The following RRN3 variants were observed in gnomAD, a reference collection of about 807,000 sequenced individuals.
The protein encoded by RRN3 is RNA polymerase I-specific transcription initiation factor RRN3.
RRN3 carries 38 observed loss-of-function variants against 82.3 expected under a neutral mutation model. That is an observed-to-expected ratio of 0.46 (90% CI 0.36 to 0.61). RRN3 has a LOEUF of 0.61. Among genes scored for constraint, RRN3 ranks in the 20% least tolerant of loss-of-function variants. The probability of loss-of-function intolerance (pLI) is 0.00; values close to 1 mark genes in which losing one functional copy is unlikely to be tolerated. For missense variants in RRN3, 726 were observed against 793.1 expected, an observed-to-expected ratio of 0.92 and a Z score of 1.02; for synonymous variants, 284 against 284.3, an observed-to-expected ratio of 1.00 and a Z score of 0.01.
intron 14 of RRN3, among the ~76,000 whole-genome samples, chr16:15,069,308 G>A (rs2045120341): frequency 6.6e-6 from 1 of 152,168 alleles, no homozygotes; most frequent in Admixed American, 6.6e-5. Context: ...CGACGATGAA[G>A]GATGATGCAG....
chr16:15,060,121 A>C lies in RRN3; in HGVS notation c.*1623T>G. On this transcript the variant is annotated 3_prime_UTR_variant, in exon 18 of 18. Transcript: ENST00000198767. ...ATTTTCACCATGGATTTTTTTTCACAAACTCCTTTGAAATTAAACAGACTT... is the reference window on the plus strand; with the variant it reads ...ATTTTCACCATGGATTTTTTTTCACCAACTCCTTTGAAATTAAACAGACTT... 2.9e-6 allele frequency: 1 copy of C among 342,720 alleles called. No individual in the cohort carries two copies. 21.2% of individuals were successfully genotyped at this position (342,720 alleles called of 1,614,324 possible). A position where few individuals can be genotyped will look rare whatever the true frequency, so the allele number is the denominator to read the frequency against.
intron 1 of RRN3, among the ~76,000 whole-genome samples, chr16:15,093,578 G>A (rs893131582): frequency 1.1e-4 from 16 of 152,198 alleles, no homozygotes; most frequent in African/African-American, 3.4e-4. Flanking sequence ...ATCATATTAC[G>A]CTAATTGTTT....
In RRN3 at chr16:15,061,904, T is replaced by G. The variant is rs1340464797; in HGVS notation, c.1796A>C (p.Asp599Ala). Residue 599 changes from aspartate to alanine, a missense_variant and splice_region_variant, in exon 18 of 18, where the codon GAC becomes GCC. Physicochemically the swap from Asp to Ala is moderately radical, Grantham distance 126. Coordinates refer to ENST00000198767, the MANE Select transcript of RRN3 (RefSeq NM_018427.5). ...LQEFKKPMKK[D>A]IVEDEDDDFL... ...GTCATCATCTTCATCTTCCACTATG[T>G]CCTGCAGAAACATCAGAAATCATCA... is the stretch of plus-strand genomic sequence containing the variant. The G allele has an allele frequency of 6.2e-7, 1 of 1,609,068 alleles. No individual in the cohort carries two copies. The highest frequency in any genetic ancestry group is 1.7e-4 in the Middle Eastern group (1 of 6,042).
At chr16:15,062,004 G>A (rs1200255823) in intron 17 of RRN3, 99 bp from the exon 18 acceptor site, 12 of 1,193,170 alleles carry the variant, frequency 1.0e-5, no homozygotes, top group African/African-American at 1.5e-5. Flanking sequence ...TGTAAAGATG[G>A]TGAAGAAAAT....
At chr16:15,064,179 T>G (rs2044851324) in intron 16 of RRN3, among the ~76,000 whole-genome samples, 1 of 152,100 alleles carries the variant, frequency 6.6e-6, no homozygotes, top group Admixed American at 6.6e-5. Context: ...TGTTTTTTTT[T>G]TGTTTTGTTT....
chr16:15,087,270 G>A (rs971783016), intron 3 of RRN3, among the ~76,000 whole-genome samples: 6 of 152,172 alleles, frequency 3.9e-5, no homozygotes, highest in African/African-American at 1.4e-4. Context: ...CCATATGCCA[G>A]GCATGGTGCC....
chr16:15,068,385 A>C (rs1252621344), intron 14 of RRN3, 108 bp from the exon 15 acceptor site: 3 of 1,390,096 alleles, frequency 2.2e-6, no homozygotes, highest in Non-Finnish European at 2.9e-6. Context: ...ACTTTAAAAA[A>C]TTATTTGCAG....
chr16:15,067,251 C>A (rs1250045324), intron 15 of RRN3, among the ~76,000 whole-genome samples: 1 of 151,598 alleles, frequency 6.6e-6, no homozygotes, highest in East Asian at 1.9e-4. Context: ...GCCTAAATAT[C>A]CTCATTGAAT....
At chr16:15,078,231 C>G (rs1457093050) in intron 9 of RRN3, among the ~76,000 whole-genome samples, 1 of 152,202 alleles carries the variant, frequency 6.6e-6, no homozygotes, top group African/African-American at 2.4e-5. Flanking sequence ...AGCTCCAGCT[C>G]TTCTGAGACC....
In RRN3 at chr16:15,080,094, T is replaced by C. The variant is rs200026956; in HGVS notation, c.669A>G (p.Glu223=). 1.3e-5 allele frequency: 20 copies of C among 1,593,866 alleles called. No individual in the cohort carries two copies. The East Asian group carries it at 4.3e-4, about 34-fold the overall frequency. The stretch of plus-strand genomic sequence containing the variant: ...TCCTTAGTAAGTTATGAACGTAACA[T>C]TCCTAAAGGAGAAAATGTAAGATAA... ...PFVRKSERTL[E]CYVHNLLRIS... is the part of the protein sequence containing the mutation. The change falls in exon 9 of 18, where the codon GAA becomes GAG. Residue 223 remains glutamate (E), a splice_region_variant and synonymous_variant. Transcript: ENST00000198767.
chr16:15,075,201 G>A (rs183545936), intron 10 of RRN3, among the ~76,000 whole-genome samples: 49 of 149,604 alleles, frequency 3.3e-4, no homozygotes, highest in Non-Finnish European at 5.6e-4. Flanking sequence ...ACAGTGAGCC[G>A]AGTTCGTGTG....
At chr16:15,083,995 C>T (rs1171665034) in intron 7 of RRN3, among the ~76,000 whole-genome samples, 9 of 152,156 alleles carry the variant, frequency 5.9e-5, no homozygotes, top group Admixed American at 3.3e-4. Flanking sequence ...GGATTACAGG[C>T]GTGAGCCACC....
At chr16:15,071,396 T>A (rs866587650) in intron 12 of RRN3, 145 bp from the exon 13 acceptor site, 2 of 789,634 alleles carry the variant, frequency 2.5e-6, no homozygotes, top group East Asian at 2.7e-5. Flanking sequence ...TTAAAACACA[T>A]TGAGAGAATA....
intron 3 of RRN3, among the ~76,000 whole-genome samples, chr16:15,089,806 A>AG (rs1206566769): frequency 6.7e-6 from 1 of 149,794 alleles, no homozygotes; most frequent in East Asian, 1.9e-4. Context: ...AAAAAAAAAA[A>AG]AAAAACAGAT....
At chr16:15,066,589 C>T (rs540368998) in intron 15 of RRN3, among the ~76,000 whole-genome samples, 2 of 151,104 alleles carry the variant, frequency 1.3e-5, no homozygotes, top group Admixed American at 1.3e-4. Flanking sequence ...GCTAAGATCA[C>T]GCCACTGTAC....
chr16:15,092,071 C>T lies in RRN3; in HGVS notation c.195+438G>A, dbSNP rs74196948. ...GTGTGTGCCTGTAACCCCACCTATT[C>T]GGAAGACTGAGGCAGGAGAATTGCT... On this transcript the variant is annotated intron_variant, in intron 2 of 17. Transcript: ENST00000198767. 8.2e-3 allele frequency among the ~76,000 whole-genome samples: 1,253 copies of T among 152,154 alleles called. 47 individuals are homozygous for T. Among genetic ancestry groups the T allele is most frequent in the East Asian group, 0.063 (327 of 5,180 alleles).
chr16:15,071,664 A>G (rs1477050344), intron 12 of RRN3, among the ~76,000 whole-genome samples: 1 of 152,234 alleles, frequency 6.6e-6, no homozygotes. Flanking sequence ...GCTACTTGGG[A>G]GGCTGAGGCA....
At chr16:15,073,649 A>C (rs1440894176) in intron 11 of RRN3, among the ~76,000 whole-genome samples, 1 of 152,222 alleles carries the variant, frequency 6.6e-6, no homozygotes, top group Non-Finnish European at 1.5e-5. Flanking sequence ...CGTGTAGCAA[A>C]AGACCTCTAA....
chr16:15,060,333 C>T lies in RRN3; in HGVS notation c.*1411G>A, dbSNP rs551378291. Reference sequence around the variant, plus strand: ...CCACCAAACCCGGAAAAGAAAACCACCCATATCCAAAACTTTAAAGCAATA... The same window carrying T: ...CCACCAAACCCGGAAAAGAAAACCATCCATATCCAAAACTTTAAAGCAATA... On this transcript the variant is annotated 3_prime_UTR_variant, in exon 18 of 18. Transcript: ENST00000198767. 1.4e-5 allele frequency: 3 copies of T among 219,516 alleles called. No individual in the cohort carries two copies. The South Asian group carries it at 1.6e-4, about 12-fold the overall frequency. The allele number at this position is 219,516 out of a possible 1,614,324, so 13.6% of individuals were successfully genotyped here. A position where few individuals can be genotyped will look rare whatever the true frequency, so the allele number is the denominator to read the frequency against.
Sources: gnomAD v4.1 joint callset for allele counts (sites outside exome capture counted in the v4.1 genomes callset) on GRCh38, gnomAD v4.1.1 for gene constraint, MANE v1.5 for transcripts, NCBI Gene and HGNC (gene_info 2026-07-23, HGNC 2026-07-21) for gene names.